Variants in MLEC observed in about 807,000 individuals in gnomAD.
The protein encoded by MLEC is oligosaccharyltransferase complex subunit (non-catalytic).
A neutral mutation model predicts 28.7 loss-of-function variants in MLEC; 7 were observed. The ratio of observed to expected loss-of-function variants is 0.24; its 90% CI spans 0.14 to 0.46. The LOEUF (loss-of-function observed/expected upper bound fraction) is 0.46. Ranked by LOEUF, MLEC falls within the 20% of genes least tolerant of loss-of-function variation. The pLI is 0.99. For missense variants in MLEC, 237 were observed against 391.1 expected (o/e 0.61, Z 3.32); for synonymous variants, 142 against 164.4 (o/e 0.86, Z 1.04).
At chr12:120,689,503 G>C (rs1881955808) in intron 1 of MLEC, among the ~76,000 whole-genome samples, 1 of 152,208 alleles carries the variant, frequency 6.6e-6, no homozygotes, top group African/African-American at 2.4e-5. Flanking sequence ...GGTGGCGCTT[G>C]TCAGCTGCAG....
chr12:120,688,049 C>T (rs1485503098), intron 1 of MLEC, among the ~76,000 whole-genome samples: 1 of 152,138 alleles, frequency 6.6e-6, no homozygotes, highest in African/African-American at 2.4e-5. Flanking sequence ...TCTTTTCGAG[C>T]GAAGAATATG....
Position 120,694,133 on chromosome 12 carries a change from C to G in MLEC, c.278C>G (p.Pro93Arg). The part of the protein sequence containing the change: ...GMKLPILRSN[P>R]EDQILYQTER... ...AAACTGCCAATCCTGCGTTCCAACC[C>G]TGAGGACCAGATCCTGTATCAAACT... Residue 93 changes from proline (P) to arginine (R), a missense_variant, in exon 2 of 5, where the codon CCT (proline) becomes CGT (arginine). Transcript: ENST00000228506. This position sits in a 1 kb window ranked among gnomAD's most constrained non-coding sequence, Gnocchi z 4.5. 2 of 1,614,170 alleles carry G rather than the reference C, an allele frequency of 1.2e-6. No homozygotes were observed. The highest frequency in any genetic ancestry group is 1.7e-6 in the Non-Finnish European group (2 of 1,180,020).
In MLEC at chr12:120,687,509, T is replaced by C; in HGVS notation, c.213T>C (p.Pro71=). ...DVHGIHFRKD[P]LEGRVGRASD... ...ACGGGATCCACTTCCGCAAGGACCC[T>C]TTGGAAGGCCGGGTGGGCCGAGGTG... Residue 71 remains proline (P), a synonymous_variant, in exon 1 of 5, where the codon CCT becomes CCC. Transcript: ENST00000228506. This position sits in a 1 kb window ranked among gnomAD's most constrained non-coding sequence, Gnocchi z 8.1. 1.3e-6 allele frequency: 2 copies of C among 1,486,138 alleles called. No individual in the cohort carries two copies. Among genetic ancestry groups the C allele is most frequent in the Non-Finnish European group, 1.8e-6 (2 of 1,118,590 alleles). The allele number at this position is 1,486,138 out of a possible 1,614,324, so 92.1% of individuals were successfully genotyped here. A position where few individuals can be genotyped will look rare whatever the true frequency, so the allele number is the denominator to read the frequency against.
At position 120,699,202 on chromosome 12, in the gene MLEC, G is replaced by A. The variant is rs934535112; in HGVS notation, c.*2657G>A. 6.6e-6 allele frequency: 1 copy of A among 152,592 alleles called. No individual in the cohort carries two copies. Among genetic ancestry groups the A allele is most frequent in the Non-Finnish European group, 1.5e-5 (1 of 68,062 alleles). 9.5% of individuals were successfully genotyped at this position (152,592 alleles called of 1,614,324 possible). The stretch of plus-strand genomic sequence containing the variant: ...TCACCTTTTGCTTTTTGCACTGTTT[G>A]TTCTCTTATCTGTATTTTGAGCTTA... On this transcript the variant is annotated 3_prime_UTR_variant, in exon 5 of 5. Coordinates refer to ENST00000228506, the MANE Select transcript of MLEC (RefSeq NM_014730.4).
chr12:120,696,578 G>A lies in MLEC; in HGVS notation c.*33G>A. On this transcript the variant is annotated 3_prime_UTR_variant, in exon 5 of 5. Coordinates refer to ENST00000228506, the MANE Select transcript of MLEC (RefSeq NM_014730.4). This position sits in a 1 kb window ranked among gnomAD's most constrained non-coding sequence, Gnocchi z 5.4. ...TGACTATCCTGAACAGGGTGGAGGG[G>A]TGTGGGAAAGAAACCAGCCATATTG... is the stretch of plus-strand genomic sequence containing the variant. 3 of 1,604,062 alleles carry A rather than the reference G, an allele frequency of 1.9e-6. No homozygotes were observed. Among genetic ancestry groups the A allele is most frequent in the Non-Finnish European group, 2.6e-6 (3 of 1,174,816 alleles).
intron 1 of MLEC, among the ~76,000 whole-genome samples, chr12:120,692,775 ACTACATGACGG>A (rs1367535263): frequency 6.6e-6 from 1 of 150,874 alleles, no homozygotes; most frequent in South Asian, 2.1e-4. Flanking sequence ...GGGAGGAGAG[ACTACATGACGG>A]CTACATCTGT....
Position 120,687,611 on chromosome 12 carries a change from C to A in MLEC, c.235+80C>A. ...CCGGCCGGGGGCTGCGGGCCCCGAGCCCCTTTCGACCCTGGGGCCGCGTCT... is the reference window on the plus strand; with the variant it reads ...CCGGCCGGGGGCTGCGGGCCCCGAGACCCTTTCGACCCTGGGGCCGCGTCT... On this transcript the variant is annotated intron_variant, in intron 1 of 4. Coordinates refer to ENST00000228506, the MANE Select transcript of MLEC (RefSeq NM_014730.4). This position sits in a 1 kb window ranked among gnomAD's most constrained non-coding sequence, Gnocchi z 8.1. 1 of 1,123,980 alleles carries A rather than the reference C, an allele frequency of 8.9e-7. No individual in the cohort carries two copies. Among genetic ancestry groups the A allele is most frequent in the Non-Finnish European group, 1.2e-6 (1 of 831,456 alleles). 69.6% of individuals were successfully genotyped at this position (1,123,980 alleles called of 1,614,324 possible).
rs557489188 is a variant in MLEC, at chr12:120,693,548, CACA to C, written c.236-537_236-535del. 2.2e-4 allele frequency among the ~76,000 whole-genome samples: 34 copies of C among 152,296 alleles called. No homozygotes were observed. The South Asian group carries it at 6.0e-3, about 27-fold the overall frequency. ...TTGAATGAAAATTATAAAAAAAACA[CACA>C]ACAACTAAAGCTGGAATTTTATTCG... is the stretch of plus-strand genomic sequence containing the variant. On this transcript the variant is annotated intron_variant, in intron 1 of 4. Transcript: ENST00000228506.
In MLEC at chr12:120,688,680, T is replaced by C. The variant is rs370095240; in HGVS notation, c.235+1149T>C. 5.3e-5 allele frequency among the ~76,000 whole-genome samples: 8 copies of C among 152,298 alleles called. No individual in the cohort carries two copies. The East Asian group carries it at 1.5e-3, about 29-fold the overall frequency. On this transcript the variant is annotated intron_variant, in intron 1 of 4. Coordinates refer to ENST00000228506, the MANE Select transcript of MLEC (RefSeq NM_014730.4). ...GATTTGGCTCTTGCTTTTACTAAAA[T>C]AGTTAGTTCTTCCCAAGTCGATTGC...
rs940305444 is a variant in MLEC, at chr12:120,697,729, A to G, written c.*1184A>G. On this transcript the variant is annotated 3_prime_UTR_variant, in exon 5 of 5. Coordinates refer to ENST00000228506, the MANE Select transcript of MLEC (RefSeq NM_014730.4). The surrounding 1 kb of genome is among the most constrained non-coding windows in gnomAD (Gnocchi z 4.8). ...TGGTATCTGATGTTCATTTATTCCC[A>G]TGTTCTTGTGTGTCACAGTTCAGCC... 4.6e-5 allele frequency: 7 copies of G among 152,482 alleles called. No individual in the cohort carries two copies. Among genetic ancestry groups the G allele is most frequent in the Non-Finnish European group, 1.5e-5 (1 of 68,044 alleles). The allele number at this position is 152,482 out of a possible 1,614,324, so 9.4% of individuals were successfully genotyped here.
Position 120,697,586 on chromosome 12 carries a change from A to G in MLEC, c.*1041A>G, listed in dbSNP as rs1882288800. On this transcript the variant is annotated 3_prime_UTR_variant, in exon 5 of 5. Coordinates refer to ENST00000228506, the MANE Select transcript of MLEC (RefSeq NM_014730.4). This position sits in a 1 kb window ranked among gnomAD's most constrained non-coding sequence, Gnocchi z 4.8. ...GCTTTCCAGCCTGCAGCAACAGAAC[A>G]CTTGACCTTAAAAGTCTCTTCTGGT... 6.5e-6 allele frequency: 1 copy of G among 152,682 alleles called. No homozygotes were observed. The highest frequency in any genetic ancestry group is 1.5e-5 in the Non-Finnish European group (1 of 68,072). The allele number at this position is 152,682 out of a possible 1,614,324, so 9.5% of individuals were successfully genotyped here.
rs1453178706 is a variant in MLEC at position 120,701,077 on chromosome 12, C to T, written c.*4532C>T. 2 of 152,250 alleles carry T rather than the reference C, an allele frequency of 1.3e-5. No individual in the cohort carries two copies. The highest frequency in any genetic ancestry group is 2.9e-5 in the Non-Finnish European group (2 of 68,064). 9.4% of individuals were successfully genotyped at this position (152,250 alleles called of 1,614,324 possible). ...TTTGAGTTGGCAGAGAGGGCCTTGG[C>T]ACCTCTTGCATCCAGGCAGTCTTGT... is the stretch of plus-strand genomic sequence containing the variant. On this transcript the variant is annotated 3_prime_UTR_variant, in exon 5 of 5. Transcript: ENST00000228506. This position sits in a 1 kb window ranked among gnomAD's most constrained non-coding sequence, Gnocchi z 4.0.
At chr12:120,695,219 G>T in intron 4 of MLEC, 67 bp downstream of exon 4, 1 of 1,560,718 alleles carries the variant, frequency 6.4e-7, no homozygotes, top group South Asian at 1.1e-5. Flanking sequence ...GCCCTTGGGA[G>T]GTAATTGAGC....
intron 4 of MLEC, 77 bp downstream of exon 4, chr12:120,695,229 C>A: frequency 6.6e-7 from 1 of 1,513,294 alleles, no homozygotes; most frequent in Non-Finnish European, 9.2e-7. Context: ...GGTAATTGAG[C>A]TGATGACTAT....
chr12:120,689,389 T>C (rs558434217), intron 1 of MLEC, among the ~76,000 whole-genome samples: 12 of 152,300 alleles, frequency 7.9e-5, no homozygotes, highest in African/African-American at 2.9e-4. Flanking sequence ...ACACTGGCCC[T>C]TGGGGCATTG....
intron 1 of MLEC, among the ~76,000 whole-genome samples, chr12:120,692,155 C>A (rs552452410): frequency 2.0e-5 from 3 of 152,180 alleles, no homozygotes; most frequent in East Asian, 3.9e-4. Flanking sequence ...AGCGAAACTC[C>A]GTCTCCAAAA....
At chr12:120,689,063 A>G (rs1310724701) in intron 1 of MLEC, among the ~76,000 whole-genome samples, 2 of 152,360 alleles carry the variant, frequency 1.3e-5, no homozygotes, top group East Asian at 3.9e-4. Flanking sequence ...TCTTTCACTT[A>G]GCAGATACCA....
intron 1 of MLEC, among the ~76,000 whole-genome samples, chr12:120,688,379 A>G (rs1045850550): frequency 1.3e-5 from 2 of 152,210 alleles, no homozygotes; most frequent in Admixed American, 6.5e-5. Flanking sequence ...GAAATTGATT[A>G]TAGTAGATTG....
chr12:120,690,456 G>A (rs1005791440), intron 1 of MLEC, among the ~76,000 whole-genome samples: 3 of 152,214 alleles, frequency 2.0e-5, no homozygotes, highest in Non-Finnish European at 4.4e-5. Flanking sequence ...TGCTAAAGTC[G>A]CAGGTCCTCG....
Sources: allele counts gnomAD v4.1 joint callset (sites outside exome capture counted in the v4.1 genomes callset), GRCh38; gene constraint gnomAD v4.1.1; non-coding constraint Gnocchi (gnomAD v3.1); transcripts MANE v1.5; gene names NCBI Gene and HGNC (gene_info 2026-07-23, HGNC 2026-07-21).